The following CELF2 variants were observed in gnomAD, a reference collection of about 807,000 sequenced individuals.
The protein encoded by CELF2 is CUGBP Elav-like family member 2.
CELF2 carries 8 observed loss-of-function variants against 62.6 expected under a neutral mutation model. The ratio of observed to expected loss-of-function variants is 0.13; its 90% CI spans 0.07 to 0.23. CELF2 has a LOEUF of 0.23. CELF2 is among the 10% of genes least tolerant of loss of function. CELF2 has a pLI of 1.00. For missense variants in CELF2, 333 were observed against 671.0 expected (o/e 0.50, Z 5.56); for synonymous variants, 258 against 250.0 (o/e 1.03, Z -0.30).
At chr10:10,737,814 A>C in the CELF2 span, among the ~76,000 whole-genome samples, 1 of 152,132 alleles carries the variant, frequency 6.6e-6, no homozygotes, top group South Asian at 2.1e-4. Context: ...ACCCAGCTAT[A>C]ATCTAAGGGA....
In CELF2 at chr10:11,285,878, T is replaced by TGTGTGTGTGTGTGTGTGTG. The variant is rs1491346882; in HGVS notation, c.842-2540_842-2539insGTGTGTGTGTGTGTGTGTG. Among the ~76,000 whole-genome samples the TGTGTGTGTGTGTGTGTGTG allele has an allele frequency of 9.5e-6, 1 of 105,102 alleles. No homozygotes were observed. The highest frequency in any genetic ancestry group is 5.4e-5 in the African/African-American group (1 of 18,438). The allele number at this position is 105,102 out of a possible 152,430, so 69.0% of individuals were successfully genotyped here. On this transcript the variant is annotated intron_variant, in intron 8 of 12. Transcript: ENST00000633077. This position sits in a 1 kb window ranked among gnomAD's most constrained non-coding sequence, Gnocchi z 4.3. ...GTGTGTGTGTGTGTGTGTGTGTGTG[T>TGTGTGTGTGTGTGTGTGTG]TTTTACATGGACTTGAAAATGAGTA... is the stretch of plus-strand genomic sequence containing the variant.
chr10:10,508,660 ATGTGTGTGTGTGTGTGTGTG>A, the CELF2 span, among the ~76,000 whole-genome samples: 1 of 140,716 alleles, frequency 7.1e-6, no homozygotes, highest in Non-Finnish European at 1.5e-5. Context: ...TCTTAAACAG[ATGTGTGTGTGTGTGTGTGTG>A]TGTGTGTGTG....
the CELF2 span, among the ~76,000 whole-genome samples, chr10:10,789,449 G>A: frequency 0.024 from 3,706 of 152,056 alleles, 154 homozygotes; most frequent in African/African-American, 0.085. Flanking sequence ...ATACTACTAC[G>A]AATATCCTGC....
chr10:10,550,480 C>A, the CELF2 span, among the ~76,000 whole-genome samples: 1 of 152,142 alleles, frequency 6.6e-6, no homozygotes, highest in African/African-American at 2.4e-5. Context: ...AAAAGATAAG[C>A]TTTACTGCAA....
At chr10:10,545,689 T>C in the CELF2 span, among the ~76,000 whole-genome samples, 10 of 152,176 alleles carry the variant, frequency 6.6e-5, no homozygotes, top group East Asian at 1.9e-3. Flanking sequence ...CACTAAAATA[T>C]ACTATACACA....
the CELF2 span, among the ~76,000 whole-genome samples, chr10:10,562,800 C>T: frequency 2.9e-5 from 4 of 139,356 alleles, no homozygotes; most frequent in African/African-American, 1.2e-4. Context: ...TCCCTGCCCT[C>T]CACAGCCTAC....
intron 3 of CELF2, among the ~76,000 whole-genome samples, chr10:11,245,327 G>A (rs560982667): frequency 1.3e-5 from 2 of 152,148 alleles, no homozygotes; most frequent in African/African-American, 4.8e-5. Context: ...TTTACATCTT[G>A]TATGTGATCA....
intron 1 of CELF2, among the ~76,000 whole-genome samples, chr10:10,873,571 C>T (rs917824991): frequency 6.6e-6 from 1 of 152,160 alleles, no homozygotes; most frequent in Non-Finnish European, 1.5e-5. Flanking sequence ...GTGCCCCAAG[C>T]GTATTGTTAC....
chr10:11,182,000 A>G (rs929616594), intron 2 of CELF2, among the ~76,000 whole-genome samples: 7 of 152,220 alleles, frequency 4.6e-5, no homozygotes, highest in South Asian at 2.1e-4. Context: ...AGCTGAAGCA[A>G]TGGAAGTAAG....
the CELF2 span, among the ~76,000 whole-genome samples, chr10:10,538,041 C>T: frequency 3.9e-5 from 6 of 152,212 alleles, no homozygotes; most frequent in East Asian, 1.2e-3. Context: ...AAGCAGAGCC[C>T]ACCCAAAGCA....
In CELF2 at chr10:11,329,249, A is replaced by C; in HGVS notation, c.*196A>C. On this transcript the variant is annotated 3_prime_UTR_variant, in exon 13 of 13. Coordinates refer to ENST00000633077, the MANE Select transcript of CELF2 (RefSeq NM_001326342.2). The surrounding 1 kb of genome is among the most constrained non-coding windows in gnomAD (Gnocchi z 5.5). ...GTTTGCCATAATTAAAACTTGGGCT[A>C]CTTTGTTTCTATTGAGTAATTCCTC... 2.4e-6 allele frequency: 1 copy of C among 419,246 alleles called. No individual in the cohort carries two copies. 26.0% of individuals were successfully genotyped at this position (419,246 alleles called of 1,614,324 possible). A position where few individuals can be genotyped will look rare whatever the true frequency, so the allele number is the denominator to read the frequency against.
At chr10:10,776,327 A>T in the CELF2 span, 7 of 153,546 alleles carry the variant, frequency 4.6e-5, no homozygotes, top group East Asian at 1.3e-3. Context: ...GCATACTTCT[A>T]TAGAAACTTG....
intron 2 of CELF2, among the ~76,000 whole-genome samples, chr10:10,940,542 T>C (rs926873371): frequency 6.6e-6 from 1 of 152,214 alleles, no homozygotes; most frequent in Non-Finnish European, 1.5e-5. Context: ...GTCACACAAA[T>C]GGCTTTGTTT....
At chr10:10,507,005 C>T in the CELF2 span, among the ~76,000 whole-genome samples, 43 of 152,094 alleles carry the variant, frequency 2.8e-4, 1 homozygote, top group South Asian at 8.7e-3. Flanking sequence ...CAGCGGAGAT[C>T]CAGGCAAAGG....
chr10:10,538,237 C>T, the CELF2 span, among the ~76,000 whole-genome samples: 1 of 151,368 alleles, frequency 6.6e-6, no homozygotes, highest in South Asian at 2.1e-4. Flanking sequence ...TGACAATGAC[C>T]GCCCCCATGT....
chr10:10,710,580 A>G, the CELF2 span, among the ~76,000 whole-genome samples: 12 of 152,196 alleles, frequency 7.9e-5, no homozygotes, highest in East Asian at 7.7e-4. Context: ...GTGAAAATCA[A>G]TTGCCCTGGC....
chr10:11,136,014 A>G (rs531893441), intron 1 of CELF2, among the ~76,000 whole-genome samples: 7 of 152,184 alleles, frequency 4.6e-5, no homozygotes, highest in African/African-American at 1.7e-4. Flanking sequence ...CTGGTGGACT[A>G]TAATATACAG....
chr10:11,125,794 CTGTT>C (rs2058585952), intron 1 of CELF2, among the ~76,000 whole-genome samples: 1 of 152,160 alleles, frequency 6.6e-6, no homozygotes, highest in East Asian at 1.9e-4. Context: ...CTCATTTATA[CTGTT>C]TGTTTTTGAT....
At chr10:11,085,169 G>A (rs2046368541) in intron 1 of CELF2, among the ~76,000 whole-genome samples, 1 of 152,190 alleles carries the variant, frequency 6.6e-6, no homozygotes, top group South Asian at 2.1e-4. Context: ...ACAAAAAGAA[G>A]AAGTATAACC....
Sources: allele counts gnomAD v4.1 joint callset (sites outside exome capture counted in the v4.1 genomes callset), GRCh38; gene constraint gnomAD v4.1.1; non-coding constraint Gnocchi (gnomAD v3.1); transcripts MANE v1.5; gene names NCBI Gene and HGNC (gene_info 2026-07-23, HGNC 2026-07-21).